The following STON2 variants were observed in gnomAD, a reference collection of about 807,000 sequenced individuals.
STON2 encodes the protein stonin 2.
In STON2, 29 loss-of-function variants were observed where a neutral mutation model predicts 65.7. That is an observed-to-expected ratio of 0.44 (90% CI 0.33 to 0.60). The LOEUF is 0.60. STON2 is among the 20% of genes least tolerant of loss of function. The pLI, the probability that STON2 is intolerant of heterozygous loss-of-function variation, is 0.03. For synonymous variants in STON2, 404 were observed against 414.2 expected (o/e 0.98, Z 0.30); for missense variants, 1,054 against 1,118.1 (o/e 0.94, Z 0.82).
intron 4 of STON2, among the ~76,000 whole-genome samples, chr14:81,339,798 A>C (rs1461597691): frequency 6.6e-6 from 1 of 152,260 alleles, no homozygotes. Flanking sequence ...ATGATGGAAT[A>C]CTACCCATCA....
intron 5 of STON2, among the ~76,000 whole-genome samples, chr14:81,288,303 GGAACATCA>G (rs1014346636): frequency 2.0e-5 from 3 of 152,152 alleles, no homozygotes; most frequent in African/African-American, 7.2e-5. Context: ...CCTCATTGTG[GGAACATCA>G]TAGATAGAGT....
At chr14:81,323,024 C>T (rs1203606229) in intron 5 of STON2, among the ~76,000 whole-genome samples, 1 of 152,176 alleles carries the variant, frequency 6.6e-6, no homozygotes, top group Non-Finnish European at 1.5e-5. Flanking sequence ...AACCCCTTAG[C>T]TTAGCATCCT....
At chr14:81,268,832 G>A (rs942622411) in intron 7 of STON2, 7 of 174,468 alleles carry the variant, frequency 4.0e-5, no homozygotes, top group South Asian at 1.9e-4. Context: ...TATTTCCACC[G>A]TATCTTGCAC....
At chr14:81,340,889 C>A (rs982172464) in intron 4 of STON2, among the ~76,000 whole-genome samples, 3 of 151,136 alleles carry the variant, frequency 2.0e-5, no homozygotes, top group African/African-American at 7.3e-5. Context: ...TATTACATAA[C>A]ATCTAATCAC....
chr14:81,351,346 C>T (rs1898017025), intron 4 of STON2, among the ~76,000 whole-genome samples: 1 of 151,944 alleles, frequency 6.6e-6, no homozygotes, highest in Admixed American at 6.6e-5. Context: ...CACTATTGCC[C>T]TGGAGGACTG....
chr14:81,276,283 C>A (rs1894815370), intron 6 of STON2, among the ~76,000 whole-genome samples: 1 of 152,190 alleles, frequency 6.6e-6, no homozygotes, highest in Admixed American at 6.5e-5. Context: ...ATAAAACATT[C>A]TTTTCTTTAT....
rs1418067296 is a variant in STON2, at chr14:81,261,407, C to T, written c.*7007G>A. On this transcript the variant is annotated 3_prime_UTR_variant, in exon 8 of 8. Transcript: ENST00000614646. Reference sequence around the variant, plus strand: ...GTTGGAATCAATCCAACACATCTGACTACCACAAATACAACCAGAAAAGAA... The same window carrying T: ...GTTGGAATCAATCCAACACATCTGATTACCACAAATACAACCAGAAAAGAA... 6.4e-6 allele frequency: 1 copy of T among 155,876 alleles called. No individual in the cohort carries two copies. The highest frequency in any genetic ancestry group is 1.4e-5 in the Non-Finnish European group (1 of 70,606). 9.7% of individuals were successfully genotyped at this position (155,876 alleles called of 1,614,324 possible). A position where few individuals can be genotyped will look rare whatever the true frequency, so the allele number is the denominator to read the frequency against.
chr14:81,306,185 ACACTCTATTT>A (rs1178535747), intron 5 of STON2, among the ~76,000 whole-genome samples: 1 of 142,806 alleles, frequency 7.0e-6, no homozygotes, highest in Non-Finnish European at 1.5e-5. Flanking sequence ...ATATATATAT[ACACTCTATTT>A]TATATATACA....
At chr14:81,423,336 T>C (rs1293351769) in intron 2 of STON2, among the ~76,000 whole-genome samples, 3 of 152,188 alleles carry the variant, frequency 2.0e-5, no homozygotes, top group Admixed American at 1.3e-4. Flanking sequence ...CTCTCATCTC[T>C]GGAAAAATAC....
At chr14:81,311,814 T>C (rs4903979) in intron 5 of STON2, among the ~76,000 whole-genome samples, 119,842 of 152,226 alleles carry the variant, frequency 0.79, 47,325 homozygotes, top group African/African-American at 0.8. Context: ...AGTCAGGGGA[T>C]ATGAGATAGG....
intron 6 of STON2, among the ~76,000 whole-genome samples, chr14:81,274,589 C>T (rs1361118692): frequency 1.3e-5 from 2 of 151,668 alleles, no homozygotes; most frequent in Non-Finnish European, 2.9e-5. Flanking sequence ...TTGGTGGTCA[C>T]GTCAGTCAAA....
intron 5 of STON2, among the ~76,000 whole-genome samples, chr14:81,306,429 G>A (rs1285983183): frequency 1.3e-5 from 2 of 151,344 alleles, no homozygotes; most frequent in African/African-American, 4.9e-5. Flanking sequence ...AGGATGGAGT[G>A]CAGTGGCAAT....
At chr14:81,270,911 G>C (rs752551601) in intron 6 of STON2, 39 bp from the exon 7 acceptor site, 302 of 1,595,830 alleles carry the variant, frequency 1.9e-4, no homozygotes, top group Non-Finnish European at 2.4e-4. Flanking sequence ...GATTATTTGG[G>C]GAGAAAGTGG....
chr14:81,403,302 T>C (rs759965970), upstream of STON2, among the ~76,000 whole-genome samples: 7 of 152,206 alleles, frequency 4.6e-5, no homozygotes, highest in Admixed American at 6.5e-5. Flanking sequence ...TCAACAAGCA[T>C]TTATGCCAAG....
chr14:81,306,127 C>G (rs993729268), intron 5 of STON2, among the ~76,000 whole-genome samples: 1 of 144,840 alleles, frequency 6.9e-6, no homozygotes, highest in East Asian at 2.1e-4. Context: ...TTAATTGCAA[C>G]CAAAGAATCC....
chr14:81,365,343 A>C (rs1898672894), intron 4 of STON2, among the ~76,000 whole-genome samples: 1 of 152,216 alleles, frequency 6.6e-6, no homozygotes, highest in Non-Finnish European at 1.5e-5. Context: ...TATACATTCA[A>C]GGGTACATTA....
intron 5 of STON2, among the ~76,000 whole-genome samples, chr14:81,310,705 T>G (rs1233103709): frequency 6.6e-6 from 1 of 152,202 alleles, no homozygotes; most frequent in Non-Finnish European, 1.5e-5. Context: ...GATACGCTGC[T>G]GCATTGCACT....
chr14:81,399,533 A>G (rs1464294662), intron 1 of STON2, among the ~76,000 whole-genome samples: 1 of 152,230 alleles, frequency 6.6e-6, no homozygotes, highest in Admixed American at 6.5e-5. Context: ...CATCTGCAGT[A>G]AATAATCTCT....
intron 1 of STON2, among the ~76,000 whole-genome samples, chr14:81,429,732 G>A (rs111524420): frequency 0.089 from 13,469 of 152,066 alleles, 1,039 homozygotes; most frequent in African/African-American, 0.2. Flanking sequence ...TCAGAAGTTC[G>A]AGACCAGCCT....
Sources: allele counts gnomAD v4.1 joint callset (sites outside exome capture counted in the v4.1 genomes callset), GRCh38; gene constraint gnomAD v4.1.1; transcripts MANE v1.5; gene names NCBI Gene and HGNC (gene_info 2026-07-23, HGNC 2026-07-21).